The following PTPRD variants were observed in gnomAD, a reference collection of about 807,000 sequenced individuals.
PTPRD encodes the protein receptor-type tyrosine-protein phosphatase delta.
Under a neutral mutation model 214.5 loss-of-function variants are expected in PTPRD, and 34 were observed. The ratio of observed to expected loss-of-function variants is 0.16; its 90% CI spans 0.12 to 0.21. PTPRD has a LOEUF of 0.21. Among genes scored for constraint, PTPRD ranks in the 10% least tolerant of loss-of-function variants. PTPRD has a pLI of 1.00. For missense variants in PTPRD, 2,545 were observed against 2,398.7 expected, an observed-to-expected ratio of 1.06 and a Z score of -1.27; for synonymous variants, 1,128 against 845.7, an observed-to-expected ratio of 1.33 and a Z score of -5.79.
chr9:9,397,268 A>G (rs1384713483), intron 9 of PTPRD, among the ~76,000 whole-genome samples, 181 bp downstream of exon 9: 1 of 152,014 alleles, frequency 6.6e-6, no homozygotes. Flanking sequence ...TCTGGTTGAA[A>G]ACTAAAGTCT....
At chr9:9,454,241 C>G (rs2092668540) in intron 8 of PTPRD, among the ~76,000 whole-genome samples, 1 of 151,548 alleles carries the variant, frequency 6.6e-6, no homozygotes, top group African/African-American at 2.4e-5. Context: ...CAAAAAAAGC[C>G]CTGATTTGTA....
chr9:8,805,890 G>C (rs987081858), intron 11 of PTPRD, among the ~76,000 whole-genome samples: 2 of 149,158 alleles, frequency 1.3e-5, no homozygotes, highest in East Asian at 2.1e-4. Context: ...AGCTACTCAG[G>C]AGGCTGAGGC....
intron 17 of PTPRD, chr9:8,525,330 G>A: frequency 2.2e-6 from 1 of 459,706 alleles, no homozygotes; most frequent in African/African-American, 2.0e-5. Flanking sequence ...AAATGAAGAT[G>A]GGTGAGACTG....
intron 8 of PTPRD, among the ~76,000 whole-genome samples, chr9:9,433,285 G>A (rs2083937622): frequency 6.6e-6 from 1 of 152,152 alleles, no homozygotes; most frequent in South Asian, 2.1e-4. Context: ...TTGAAGTGTT[G>A]ATCTGGGATC....
intron 9 of PTPRD, among the ~76,000 whole-genome samples, chr9:9,231,458 G>C (rs1399629174): frequency 6.6e-6 from 1 of 152,084 alleles, no homozygotes; most frequent in Non-Finnish European, 1.5e-5. Context: ...AAGAATTAAA[G>C]GGTTTAACAA....
At chr9:9,218,312 T>C (rs992654309) in intron 9 of PTPRD, among the ~76,000 whole-genome samples, 3 of 152,178 alleles carry the variant, frequency 2.0e-5, no homozygotes, top group Non-Finnish European at 4.4e-5. Flanking sequence ...GAATGTTGCT[T>C]GATGCTCACT....
At chr9:9,947,443 TTTTATATA>T (rs2092813747) in intron 4 of PTPRD, among the ~76,000 whole-genome samples, 2 of 26,366 alleles carry the variant, frequency 7.6e-5, no homozygotes, top group African/African-American at 4.1e-4. Flanking sequence ...ATATTATATA[TTTTATATA>T]TTTTTATATA....
intron 10 of PTPRD, among the ~76,000 whole-genome samples, chr9:9,169,323 T>C (rs1007587338): frequency 2.0e-5 from 3 of 152,170 alleles, no homozygotes; most frequent in African/African-American, 7.2e-5. Flanking sequence ...AAAGTTCCTA[T>C]ACTCAGTGTT....
At chr9:10,227,865 G>C (rs930352576) in intron 3 of PTPRD, among the ~76,000 whole-genome samples, 6 of 151,658 alleles carry the variant, frequency 4.0e-5, no homozygotes, top group African/African-American at 1.5e-4. Context: ...TGCTTTGTCC[G>C]GCCCTACTTG....
In PTPRD at chr9:9,616,672, C is replaced by T. The variant is rs905785004; in HGVS notation, c.-286-41891G>A. ...GGCTATATGAAAAAGTTCATGATCA[C>T]ATAAGAAAACAGATAGAAACTGGAC... is the stretch of plus-strand genomic sequence containing the variant. On this transcript the variant is annotated intron_variant, in intron 7 of 45. Transcript: ENST00000381196. Among the ~76,000 whole-genome samples the T allele has an allele frequency of 9.2e-5, 14 of 152,204 alleles. No homozygotes were observed. The East Asian group carries it at 2.7e-3, about 29-fold the overall frequency.
At position 9,418,378 on chromosome 9, in the gene PTPRD, C is replaced by T. The variant is rs115012234; in HGVS notation, c.-236-20896G>A. Reference sequence around the variant, plus strand: ...AGTACTAGAGAAAACCGACATAACTCACTGGTCATGTTAGGATTTAAATAT... The same window carrying T: ...AGTACTAGAGAAAACCGACATAACTTACTGGTCATGTTAGGATTTAAATAT... On this transcript the variant is annotated intron_variant, in intron 8 of 45. Transcript: ENST00000381196. Among the ~76,000 whole-genome samples, 749 of 152,028 alleles carry T rather than the reference C, an allele frequency of 4.9e-3. 6 individuals carry two copies. Among genetic ancestry groups the T allele is most frequent in the African/African-American group, 0.012 (484 of 41,528 alleles).
intron 11 of PTPRD, among the ~76,000 whole-genome samples, chr9:8,845,266 G>C (rs999692468): frequency 6.6e-6 from 1 of 152,064 alleles, no homozygotes; most frequent in South Asian, 2.1e-4. Flanking sequence ...AAGTTTGCAA[G>C]GCCAGTTGTC....
At chr9:9,629,689 T>C (rs1415476276) in intron 7 of PTPRD, among the ~76,000 whole-genome samples, 6 of 152,172 alleles carry the variant, frequency 3.9e-5, no homozygotes, top group African/African-American at 1.2e-4. Context: ...TCTATCCCTA[T>C]GCCCGTGGAT....
chr9:8,433,054 G>A (rs1215633760), intron 35 of PTPRD, among the ~76,000 whole-genome samples: 2 of 152,220 alleles, frequency 1.3e-5, no homozygotes, highest in East Asian at 3.8e-4. Flanking sequence ...GCATTCAATA[G>A]ATGCAACTGA....
chr9:8,701,979 G>A (rs1349557727), intron 12 of PTPRD, among the ~76,000 whole-genome samples: 1 of 152,100 alleles, frequency 6.6e-6, no homozygotes, highest in Non-Finnish European at 1.5e-5. Context: ...TATTTATACT[G>A]TTTAAGTAAA....
At chr9:8,651,065 C>A (rs963961127) in intron 12 of PTPRD, among the ~76,000 whole-genome samples, 1 of 152,100 alleles carries the variant, frequency 6.6e-6, no homozygotes, top group South Asian at 2.1e-4. Flanking sequence ...AGCAAGAAAC[C>A]AAACGGTATT....
At chr9:10,504,031 G>A (rs940785878) in intron 2 of PTPRD, among the ~76,000 whole-genome samples, 1 of 144,552 alleles carries the variant, frequency 6.9e-6, no homozygotes, top group Admixed American at 7.3e-5. Flanking sequence ...CAGGAGAATG[G>A]CGTGAACCCG....
intron 10 of PTPRD, among the ~76,000 whole-genome samples, chr9:9,030,512 G>C (rs1226709801): frequency 1.3e-5 from 2 of 151,458 alleles, no homozygotes; most frequent in Non-Finnish European, 2.9e-5. Context: ...TACTCCATCT[G>C]GCTGCCTCTC....
intron 14 of PTPRD, among the ~76,000 whole-genome samples, chr9:8,585,815 C>G (rs2093610610): frequency 6.6e-6 from 1 of 152,144 alleles, no homozygotes; most frequent in Non-Finnish European, 1.5e-5. Context: ...TTCATTACAC[C>G]TTTTAAAAGC....
Sources: gnomAD v4.1 joint callset for allele counts (sites outside exome capture counted in the v4.1 genomes callset) on GRCh38, gnomAD v4.1.1 for gene constraint, MANE v1.5 for transcripts, NCBI Gene and HGNC (gene_info 2026-07-23, HGNC 2026-07-21) for gene names.